HGD: variants seen among roughly 807,000 people sequenced by gnomAD.
HGD encodes the protein homogentisate oxidase.
A neutral mutation model predicts 60.8 loss-of-function variants in HGD; 61 were observed. The ratio of observed to expected loss-of-function variants is 1.00; its 90% CI spans 0.82 to 1.24. The LOEUF (loss-of-function observed/expected upper bound fraction) is 1.24, where lower values mean the gene tolerates loss of function less well. Ranked by LOEUF, HGD falls within the 50% of genes most tolerant of loss-of-function variation. The pLI, the probability that HGD is intolerant of heterozygous loss-of-function variation, is 0.00. For missense variants in HGD, 542 were observed against 547.1 expected (o/e 0.99, Z 0.09); for synonymous variants, 212 against 187.7 (o/e 1.13, Z -1.06).
intron 3 of HGD, among the ~76,000 whole-genome samples, chr3:120,672,697 T>C (rs924974002): frequency 6.6e-6 from 1 of 152,064 alleles, no homozygotes; most frequent in African/African-American, 2.4e-5. Flanking sequence ...CCTGGGAGAG[T>C]TACTAGACTT....
chr3:120,652,547 GAA>G, intron 5 of HGD, 43 bp downstream of exon 5: 1 of 1,431,456 alleles, frequency 7.0e-7, no homozygotes, highest in Admixed American at 1.7e-5. Flanking sequence ...ACTCACCACA[GAA>G]GAGAGGAGAG....
intron 4 of HGD, among the ~76,000 whole-genome samples, chr3:120,669,655 G>A (rs978271465): frequency 3.3e-5 from 5 of 152,080 alleles, no homozygotes; most frequent in Non-Finnish European, 5.9e-5. Flanking sequence ...GTCATATGCC[G>A]AGCTGCAACC....
chr3:120,638,778 G>C (rs1940867786), intron 11 of HGD, among the ~76,000 whole-genome samples, 197 bp from the exon 12 acceptor site: 1 of 152,076 alleles, frequency 6.6e-6, no homozygotes, highest in Non-Finnish European at 1.5e-5. Context: ...ACTGAGGTTT[G>C]GGGTAGGGAT....
intron 4 of HGD, among the ~76,000 whole-genome samples, chr3:120,662,083 G>A (rs925674558): frequency 6.6e-5 from 10 of 152,182 alleles, no homozygotes; most frequent in African/African-American, 2.4e-4. Context: ...ATAAAATGAC[G>A]ATGGTTCTAG....
At chr3:120,674,834 G>C in intron 3 of HGD, 67 bp downstream of exon 3, 1 of 1,049,032 alleles carries the variant, frequency 9.5e-7, no homozygotes, top group Non-Finnish European at 1.5e-6. Flanking sequence ...CCAGGGGAAG[G>C]AGGCAGCACA....
intron 4 of HGD, among the ~76,000 whole-genome samples, chr3:120,659,947 G>T (rs112486708): frequency 6.6e-6 from 1 of 151,406 alleles, no homozygotes; most frequent in Non-Finnish European, 1.5e-5. Context: ...AGAGAGTGGG[G>T]GGTGGTTGCA....
At position 120,664,694 on chromosome 3, in the gene HGD, G is replaced by T. The variant is rs561497284; in HGVS notation, c.282+5733C>A. Among the ~76,000 whole-genome samples the T allele has an allele frequency of 3.3e-5, 5 of 152,032 alleles. No individual in the cohort carries two copies. The East Asian group carries it at 9.7e-4, about 29-fold the overall frequency. ...GAACCTCTCATCTTGGCCTCCCAAA[G>T]TGCTGGGATTACAGGCATGAGCCAC... is the stretch of plus-strand genomic sequence containing the variant. On this transcript the variant is annotated intron_variant, in intron 4 of 13. Transcript: ENST00000283871.
At chr3:120,643,175 G>A (rs190884437) in intron 10 of HGD, among the ~76,000 whole-genome samples, 14 of 152,294 alleles carry the variant, frequency 9.2e-5, no homozygotes, top group Middle Eastern at 3.4e-3. Context: ...CCGGGCTGGA[G>A]TGCAATGGCA....
At chr3:120,633,061 A>G in intron 13 of HGD, 86 bp downstream of exon 13, 1 of 1,196,174 alleles carries the variant, frequency 8.4e-7, no homozygotes, top group East Asian at 2.4e-5. Context: ...TTCCTCTGTG[A>G]CTTTGGAGAA....
At chr3:120,646,208 T>C (rs184437549) in intron 9 of HGD, 59 bp downstream of exon 9, 36 of 1,025,122 alleles carry the variant, frequency 3.5e-5, no homozygotes, top group Admixed American at 2.9e-4. Flanking sequence ...TTAACTTTCA[T>C]GCAATTATCT....
intron 4 of HGD, among the ~76,000 whole-genome samples, chr3:120,653,339 G>A (rs1225913092): frequency 1.3e-5 from 2 of 152,192 alleles, no homozygotes; most frequent in Non-Finnish European, 2.9e-5. Flanking sequence ...TCAGCCCAGC[G>A]CTTATTAATC....
At chr3:120,668,882 A>T (rs1707960986) in intron 4 of HGD, among the ~76,000 whole-genome samples, 1 of 152,162 alleles carries the variant, frequency 6.6e-6, no homozygotes, top group South Asian at 2.1e-4. Flanking sequence ...CATGTACCTA[A>T]ACTCAGGGAC....
chr3:120,675,482 T>A (rs1708109993), intron 2 of HGD, among the ~76,000 whole-genome samples: 1 of 152,204 alleles, frequency 6.6e-6, no homozygotes, highest in Admixed American at 6.5e-5. Flanking sequence ...TGTTATTTTA[T>A]CATAATGCTC....
At chr3:120,635,467 A>G (rs1940737918) in intron 12 of HGD, among the ~76,000 whole-genome samples, 1 of 116,888 alleles carries the variant, frequency 8.6e-6, no homozygotes, top group Non-Finnish European at 1.7e-5. Flanking sequence ...ACAGAGTGAG[A>G]TTCCGTCTCA....
chr3:120,671,986 G>A (rs963640287), intron 3 of HGD, among the ~76,000 whole-genome samples: 1 of 151,780 alleles, frequency 6.6e-6, no homozygotes, highest in Non-Finnish European at 1.5e-5. Flanking sequence ...GGGGCCTGTT[G>A]GGGGGTGGGA....
chr3:120,648,255 G>A (rs1349723513), intron 6 of HGD, among the ~76,000 whole-genome samples: 1 of 152,220 alleles, frequency 6.6e-6, no homozygotes, highest in African/African-American at 2.4e-5. Flanking sequence ...TGTTATCTAG[G>A]TGAGGGTTTG....
chr3:120,635,305 G>A (rs1324635105), intron 12 of HGD, among the ~76,000 whole-genome samples: 1 of 151,720 alleles, frequency 6.6e-6, no homozygotes, highest in Admixed American at 6.6e-5. Flanking sequence ...GTGAAACCTC[G>A]TCTCTACTAA....
At chr3:120,677,780 T>G (rs190796541) in intron 1 of HGD, 9 of 152,344 alleles carry the variant, frequency 5.9e-5, no homozygotes, top group Admixed American at 3.9e-4. Flanking sequence ...TTGTGGGGCA[T>G]CACGGAACCT....
At chr3:120,674,634 C>T in intron 3 of HGD, 1 of 395,590 alleles carries the variant, frequency 2.5e-6, no homozygotes, top group Non-Finnish European at 4.8e-6. Context: ...GGAATATTTC[C>T]TTCTGAATAT....
Sources: allele counts gnomAD v4.1 joint callset (sites outside exome capture counted in the v4.1 genomes callset), GRCh38; gene constraint gnomAD v4.1.1; transcripts MANE v1.5; gene names NCBI Gene and HGNC (gene_info 2026-07-23, HGNC 2026-07-21).